Variants in ARHGEF18 observed in about 807,000 individuals in gnomAD.
ARHGEF18 encodes rho guanine nucleotide exchange factor 18.
In ARHGEF18, 93 loss-of-function variants were observed where a neutral mutation model predicts 155.7. The observed-to-expected ratio is 0.60, with a 90% CI of 0.50 to 0.71. The LOEUF (loss-of-function observed/expected upper bound fraction) is 0.71, where lower values mean the gene tolerates loss of function less well. Ranked by LOEUF, ARHGEF18 falls within the 30% of genes least tolerant of loss-of-function variation. The pLI is 0.00. For synonymous variants in ARHGEF18, 742 were observed against 753.1 expected (o/e 0.99, Z 0.24); for missense variants, 1,593 against 1,816.1 (o/e 0.88, Z 2.23).
chr19:7,389,467 TCTTCCTTCCTTC>T (rs763209593), intron 10 of ARHGEF18, among the ~76,000 whole-genome samples: 1 of 148,152 alleles, frequency 6.7e-6, no homozygotes, highest in African/African-American at 2.5e-5. Context: ...CCCTACATTT[TCTTCCTTCCTTC>T]CTTCCTTCTT....
intron 10 of ARHGEF18, among the ~76,000 whole-genome samples, chr19:7,420,459 C>T (rs1163772027): frequency 6.6e-6 from 1 of 151,842 alleles, no homozygotes; most frequent in Admixed American, 6.6e-5. Flanking sequence ...CATCATGTTG[C>T]CCAGGCTGGT....
At chr19:7,454,262 CTTGGA>C (rs1445146520) in intron 17 of ARHGEF18, among the ~76,000 whole-genome samples, 1 of 151,454 alleles carries the variant, frequency 6.6e-6, no homozygotes, top group Non-Finnish European at 1.5e-5. Flanking sequence ...TGGGTGCCAT[CTTGGA>C]TTGGTGGCAC....
At chr19:7,419,277 ACACTCGGCCCCCGCACCTGGGTGTG>A (rs1217612355) in intron 10 of ARHGEF18, among the ~76,000 whole-genome samples, 3 of 113,168 alleles carry the variant, frequency 2.7e-5, no homozygotes, top group Admixed American at 2.3e-4. Context: ...AGGTGTGCCC[ACACTCGGCCCCCGCACCTGGGTGTG>A]CCCACACTTG....
chr19:7,368,714 A>G (rs1274459686), intron 2 of ARHGEF18, among the ~76,000 whole-genome samples: 1 of 152,144 alleles, frequency 6.6e-6, no homozygotes, highest in Non-Finnish European at 1.5e-5. Context: ...CAGAGACACA[A>G]AAAAACCTTC....
At chr19:7,378,003 G>T (rs1433388634) in intron 5 of ARHGEF18, among the ~76,000 whole-genome samples, 2 of 152,128 alleles carry the variant, frequency 1.3e-5, no homozygotes, top group Non-Finnish European at 2.9e-5. Context: ...TGAGACAGGA[G>T]ACTTGCTTGA....
chr19:7,413,042 C>G (rs2048838125), intron 10 of ARHGEF18, among the ~76,000 whole-genome samples: 1 of 152,060 alleles, frequency 6.6e-6, no homozygotes, highest in African/African-American at 2.4e-5. Flanking sequence ...GGCATTTCAG[C>G]CAGCGAATCA....
At chr19:7,456,455 G>A (rs368967040) in intron 18 of ARHGEF18, 52 bp downstream of exon 18, 150 of 1,549,758 alleles carry the variant, frequency 9.7e-5, no homozygotes, top group East Asian at 6.1e-4. Context: ...TGTGGCTCAC[G>A]TCTATAATCC....
rs1969570507 is a variant in ARHGEF18, at chr19:7,361,991, G to GGAAGAAGAAGAAGAGGAAGAGGAA, written c.-110-776_-110-775insGGAAGAGGAAGAAGAAGAAGAAGA. On this transcript the variant is annotated intron_variant, in intron 1 of 28. Transcript: ENST00000668164. ...TGGGGGCAACAGAGCAAGACTCTGT[G>GGAAGAAGAAGAAGAGGAAGAGGAA]GAAGAAGAAGAAGAAGAAGAAGAAG... Among the ~76,000 whole-genome samples the GGAAGAAGAAGAAGAGGAAGAGGAA allele has an allele frequency of 2.5e-5, 2 of 79,116 alleles. 1 individual carries two copies. The highest frequency in any genetic ancestry group is 4.9e-5 in the Non-Finnish European group (2 of 41,048). The allele number at this position is 79,116 out of a possible 152,430, so 51.9% of individuals were successfully genotyped here.
rs79794208 is a variant in ARHGEF18 at position 7,363,024 on chromosome 19, T to C, written c.15+119T>C. On this transcript the variant is annotated intron_variant, in intron 2 of 28. Transcript: ENST00000668164. ...TGTACATTATCTCAGGGAATCCTCATCGAAACTTGCAAAGTCATTTATTAT... is the reference window on the plus strand; with the variant it reads ...TGTACATTATCTCAGGGAATCCTCACCGAAACTTGCAAAGTCATTTATTAT... The C allele has an allele frequency of 6.9e-3, 7,919 of 1,148,360 alleles. 170 individuals carry two copies. The highest frequency in any genetic ancestry group is 0.066 in the African/African-American group (4,115 of 62,720). 71.1% of individuals were successfully genotyped at this position (1,148,360 alleles called of 1,614,324 possible). A position where few individuals can be genotyped will look rare whatever the true frequency, so the allele number is the denominator to read the frequency against.
the ARHGEF18 span, chr19:7,478,431 T>C: frequency 6.5e-7 from 1 of 1,546,174 alleles, no homozygotes; most frequent in Non-Finnish European, 8.8e-7. Flanking sequence ...GAGGGTTAGC[T>C]CCACAACGCT....
chr19:7,432,602 A>G (rs1447495628), intron 10 of ARHGEF18, among the ~76,000 whole-genome samples: 2 of 152,090 alleles, frequency 1.3e-5, no homozygotes, highest in African/African-American at 2.4e-5. Flanking sequence ...CAGCCTCCCA[A>G]AGTACTCAGA....
chr19:7,425,441 G>C (rs4453621), intron 10 of ARHGEF18, among the ~76,000 whole-genome samples: 80,435 of 151,254 alleles, frequency 0.53, 21,739 homozygotes, highest in Middle Eastern at 0.74. Flanking sequence ...CCCAGCAATT[G>C]GAGAGGGTGA....
rs556120221 is a variant in ARHGEF18 at position 7,441,563 on chromosome 19, G to A, written c.1107-90G>A. Reference sequence around the variant, plus strand: ...GAGAGTTCTCAGAGAGTATCGAATCGGATGGAGTCACCGATGTGCCTTTGT... The same window carrying A: ...GAGAGTTCTCAGAGAGTATCGAATCAGATGGAGTCACCGATGTGCCTTTGT... On this transcript the variant is annotated intron_variant, in intron 11 of 28. Coordinates refer to ENST00000668164, the MANE Select transcript of ARHGEF18 (RefSeq NM_001367823.1). The A allele has an allele frequency of 1.4e-4, 125 of 923,398 alleles. No individual in the cohort carries two copies. The African/African-American group carries it at 1.4e-3, about 10-fold the overall frequency. 57.2% of individuals were successfully genotyped at this position (923,398 alleles called of 1,614,324 possible).
chr19:7,367,236 T>C (rs1969925122), intron 2 of ARHGEF18, among the ~76,000 whole-genome samples: 1 of 152,350 alleles, frequency 6.6e-6, no homozygotes, highest in South Asian at 2.1e-4. Flanking sequence ...ATCGAGGTCA[T>C]GCTAAGCTAA....
rs1285953946 is a variant in ARHGEF18, at chr19:7,462,001, C to T, written c.2453-151C>T. On this transcript the variant is annotated intron_variant, in intron 20 of 28. Transcript: ENST00000668164. The surrounding 1 kb of genome is among the most constrained non-coding windows in gnomAD (Gnocchi z 4.4). ...TAATCAGAGGACAAGGCCATGCCCTCCCCTACCTCCCAGGAATGCAGGACA... is the reference window on the plus strand; with the variant it reads ...TAATCAGAGGACAAGGCCATGCCCTTCCCTACCTCCCAGGAATGCAGGACA... 1 of 843,606 alleles carries T rather than the reference C, an allele frequency of 1.2e-6. No homozygotes were observed. The highest frequency in any genetic ancestry group is 1.9e-6 in the Non-Finnish European group (1 of 524,142). 52.3% of individuals were successfully genotyped at this position (843,606 alleles called of 1,614,324 possible). A position where few individuals can be genotyped will look rare whatever the true frequency, so the allele number is the denominator to read the frequency against.
chr19:7,406,056 G>A (rs1386373839), intron 10 of ARHGEF18, among the ~76,000 whole-genome samples: 5 of 152,040 alleles, frequency 3.3e-5, no homozygotes, highest in Non-Finnish European at 7.4e-5. Context: ...GAAAGAGGAG[G>A]TCTTCAGGAG....
intron 14 of ARHGEF18, among the ~76,000 whole-genome samples, chr19:7,445,773 C>T (rs1489581199): frequency 1.3e-5 from 2 of 151,980 alleles, no homozygotes; most frequent in African/African-American, 2.4e-5. Context: ...GTGCCTGCCA[C>T]CACACCCGGC....
chr19:7,431,384 G>A (rs955173509), intron 10 of ARHGEF18, among the ~76,000 whole-genome samples: 11 of 151,808 alleles, frequency 7.2e-5, no homozygotes, highest in African/African-American at 2.7e-4. Flanking sequence ...GGGCATGGAT[G>A]TGGGCGGCCA....
chr19:7,451,404 C>CT (rs35473770), intron 16 of ARHGEF18, 138 bp downstream of exon 16: 27,599 of 375,468 alleles, frequency 0.074, 307 homozygotes, highest in East Asian at 0.12. Context: ...GGGTTCCTTC[C>CT]TTTTTTTTTT....
Sources: gnomAD v4.1 joint callset for allele counts (sites outside exome capture counted in the v4.1 genomes callset) on GRCh38, gnomAD v4.1.1 for gene constraint, Gnocchi (gnomAD v3.1) non-coding constraint, MANE v1.5 for transcripts, NCBI Gene and HGNC (gene_info 2026-07-23, HGNC 2026-07-21) for gene names.